Variants in BABAM2 observed in about 807,000 individuals in gnomAD.
The protein encoded by BABAM2 is BRISC and BRCA1 A complex member 2.
BABAM2 carries 31 observed loss-of-function variants against 54.7 expected under a neutral mutation model. The observed-to-expected ratio is 0.57, with a 90% CI of 0.43 to 0.77. The LOEUF (loss-of-function observed/expected upper bound fraction) is 0.77, where lower values mean the gene tolerates loss of function less well. BABAM2 is among the 30% of genes least tolerant of loss of function. BABAM2 has a pLI of 0.00. For missense variants in BABAM2, 364 were observed against 455.8 expected (o/e 0.80, Z 1.83); for synonymous variants, 167 against 162.9 (o/e 1.03, Z -0.19).
chr2:28,141,897 T>C (rs149628548), intron 7 of BABAM2, among the ~76,000 whole-genome samples: 1 of 152,342 alleles, frequency 6.6e-6, no homozygotes, highest in Non-Finnish European at 1.5e-5. Flanking sequence ...TTCTACTTCA[T>C]CTTTGCTGTA....
At chr2:28,298,316 T>G in intron 10 of BABAM2, 22 bp from the exon 11 acceptor site, 1 of 1,607,632 alleles carries the variant, frequency 6.2e-7, no homozygotes, top group Non-Finnish European at 8.5e-7. Flanking sequence ...TAACTTTCTT[T>G]TTCTTTCTTC....
At chr2:28,244,120 A>G (rs1350422105) in intron 9 of BABAM2, among the ~76,000 whole-genome samples, 19 of 152,004 alleles carry the variant, frequency 1.2e-4, no homozygotes. Flanking sequence ...TGAAATATGC[A>G]TCTCCCTTCC....
rs116246297 is a variant in BABAM2, at chr2:28,022,643, A to T, written c.301-2583A>T. ...TTAATATGTGATGTGCCCTGTGCCTACTCTTTGTGACCATCTTCATTTCAG... is the reference window on the plus strand; with the variant it reads ...TTAATATGTGATGTGCCCTGTGCCTTCTCTTTGTGACCATCTTCATTTCAG... On this transcript the variant is annotated intron_variant, in intron 4 of 11. Transcript: ENST00000379624. Among the ~76,000 whole-genome samples the T allele has an allele frequency of 5.8e-3, 874 of 151,932 alleles. 5 individuals are homozygous for T. Among genetic ancestry groups the T allele is most frequent in the Admixed American group, 0.011 (166 of 15,280 alleles).
chr2:28,026,961 T>TATATATTA (rs1675884074), intron 5 of BABAM2, among the ~76,000 whole-genome samples: 2 of 83,218 alleles, frequency 2.4e-5, no homozygotes, highest in East Asian at 5.6e-4. Flanking sequence ...TATATATAAA[T>TATATATTA]ATATATATAA....
intron 3 of BABAM2, among the ~76,000 whole-genome samples, chr2:27,976,416 C>T (rs1671608215): frequency 6.6e-6 from 1 of 152,042 alleles, no homozygotes; most frequent in Non-Finnish European, 1.5e-5. Context: ...CAATTTGAGT[C>T]TCAAATGCCT....
chr2:28,126,013 C>T (rs1310403138), intron 6 of BABAM2, among the ~76,000 whole-genome samples: 1 of 152,176 alleles, frequency 6.6e-6, no homozygotes, highest in African/African-American at 2.4e-5. Flanking sequence ...CCTACACACA[C>T]AGTTAATATT....
intron 6 of BABAM2, among the ~76,000 whole-genome samples, chr2:28,115,627 AAAAT>A (rs1668546063): frequency 6.6e-6 from 1 of 151,874 alleles, no homozygotes; most frequent in Non-Finnish European, 1.5e-5. Flanking sequence ...ATCGTCTCAA[AAAAT>A]AAATAAATAA....
intron 7 of BABAM2, among the ~76,000 whole-genome samples, chr2:28,178,030 A>T (rs940520568): frequency 6.6e-6 from 1 of 152,112 alleles, no homozygotes; most frequent in Non-Finnish European, 1.5e-5. Flanking sequence ...GGAGAGATAG[A>T]CTCCAATACA....
intron 10 of BABAM2, among the ~76,000 whole-genome samples, chr2:28,246,307 T>C (rs536897235): frequency 6.6e-6 from 1 of 152,368 alleles, no homozygotes; most frequent in South Asian, 2.1e-4. Context: ...GGTTTGGCAT[T>C]CTGTGGCTTA....
At chr2:28,276,018 AAAAG>A (rs1484316219) in intron 10 of BABAM2, among the ~76,000 whole-genome samples, 96 of 151,348 alleles carry the variant, frequency 6.3e-4, no homozygotes, top group Admixed American at 3.9e-4. Context: ...AAAAAAAAAA[AAAAG>A]AAAGAAAGAA....
At chr2:27,977,776 G>A (rs942667016) in intron 3 of BABAM2, among the ~76,000 whole-genome samples, 1 of 152,156 alleles carries the variant, frequency 6.6e-6, no homozygotes, top group Non-Finnish European at 1.5e-5. Context: ...ATTGAAACAA[G>A]TCAGATGAGG....
chr2:27,986,846 A>G (rs931822208), intron 3 of BABAM2, among the ~76,000 whole-genome samples: 1 of 152,166 alleles, frequency 6.6e-6, no homozygotes, highest in Admixed American at 6.6e-5. Flanking sequence ...TTACAACTCA[A>G]TATGTGTGTT....
chr2:27,999,453 A>G (rs1004871317), intron 4 of BABAM2, among the ~76,000 whole-genome samples: 1 of 152,208 alleles, frequency 6.6e-6, no homozygotes, highest in Non-Finnish European at 1.5e-5. Context: ...GGCTTGGAGT[A>G]GTTTGCATAG....
intron 6 of BABAM2, among the ~76,000 whole-genome samples, chr2:28,071,150 G>A (rs1282559054): frequency 1.3e-5 from 2 of 152,080 alleles, no homozygotes; most frequent in Non-Finnish European, 2.9e-5. Flanking sequence ...TGACTGTTAG[G>A]AAGAAACCCT....
chr2:28,215,123 A>C (rs1679816606), intron 7 of BABAM2, among the ~76,000 whole-genome samples: 1 of 152,102 alleles, frequency 6.6e-6, no homozygotes, highest in Admixed American at 6.5e-5. Flanking sequence ...AATTTAATCC[A>C]ATATATAGAT....
chr2:28,112,794 C>T (rs888826582), intron 6 of BABAM2, among the ~76,000 whole-genome samples: 2 of 152,184 alleles, frequency 1.3e-5, no homozygotes, highest in African/African-American at 2.4e-5. Context: ...CTGTCTTCCA[C>T]AATGGTTGAA....
At chr2:28,129,532 C>T (rs887874382) in intron 7 of BABAM2, 152 bp downstream of exon 7, 2 of 716,352 alleles carry the variant, frequency 2.8e-6, no homozygotes, top group Non-Finnish European at 4.7e-6. Context: ...GTTTCCATTG[C>T]AGAGTAAATG....
At chr2:28,165,896 CAT>C (rs1305962935) in intron 7 of BABAM2, among the ~76,000 whole-genome samples, 1 of 152,150 alleles carries the variant, frequency 6.6e-6, no homozygotes, top group Non-Finnish European at 1.5e-5. Flanking sequence ...GCTCAAAATT[CAT>C]ATGTTGAAGC....
At chr2:27,922,981 A>C (rs1461042653) in intron 2 of BABAM2, among the ~76,000 whole-genome samples, 1 of 152,190 alleles carries the variant, frequency 6.6e-6, no homozygotes, top group Non-Finnish European at 1.5e-5. Flanking sequence ...TGTATAAGGA[A>C]ATGGCTTTCT....
Sources: allele counts gnomAD v4.1 joint callset (sites outside exome capture counted in the v4.1 genomes callset), GRCh38; gene constraint gnomAD v4.1.1; transcripts MANE v1.5; gene names NCBI Gene and HGNC (gene_info 2026-07-23, HGNC 2026-07-21).